The following ZNF131 variants were observed in gnomAD, a reference collection of about 807,000 sequenced individuals.
ZNF131 encodes zinc finger protein 131.
ZNF131 carries 7 observed loss-of-function variants against 60.0 expected under a neutral mutation model. That is an observed-to-expected ratio of 0.12 (90% CI 0.07 to 0.22). ZNF131 has a LOEUF of 0.22. Ranked by LOEUF, ZNF131 falls within the 10% of genes least tolerant of loss-of-function variation. ZNF131 has a pLI of 1.00. For missense variants in ZNF131, 493 were observed against 740.9 expected, an observed-to-expected ratio of 0.67 and a Z score of 3.88; for synonymous variants, 257 against 253.2, an observed-to-expected ratio of 1.01 and a Z score of -0.14.
chr5:43,148,943 A>G (rs923095232), intron 4 of ZNF131, among the ~76,000 whole-genome samples: 13 of 152,156 alleles, frequency 8.5e-5, no homozygotes, highest in African/African-American at 3.1e-4. Flanking sequence ...TGCATGTAAT[A>G]GTATGGTAGT....
chr5:43,153,152 G>C (rs1383008262), intron 4 of ZNF131, among the ~76,000 whole-genome samples: 1 of 152,162 alleles, frequency 6.6e-6, no homozygotes, highest in Non-Finnish European at 1.5e-5. Flanking sequence ...TTGGCAAGCA[G>C]TGAATTCAAT....
chr5:43,132,720 C>T (rs1312359572), intron 3 of ZNF131, among the ~76,000 whole-genome samples: 1 of 151,990 alleles, frequency 6.6e-6, no homozygotes, highest in African/African-American at 2.4e-5. Flanking sequence ...ACCATGTTGG[C>T]CAGGGTGGTC....
chr5:43,146,989 G>T (rs1194912633), intron 4 of ZNF131, among the ~76,000 whole-genome samples: 1 of 152,140 alleles, frequency 6.6e-6, no homozygotes, highest in Non-Finnish European at 1.5e-5. Context: ...CTAGAAGCTT[G>T]TCTCATGATT....
intron 4 of ZNF131, chr5:43,143,436 C>A: frequency 7.0e-7 from 1 of 1,420,932 alleles, no homozygotes; most frequent in Admixed American, 2.3e-5. Flanking sequence ...TCCACTGTTG[C>A]AAGTTTATCA....
At chr5:43,146,997 ATTGT>A (rs1447310131) in intron 4 of ZNF131, among the ~76,000 whole-genome samples, 1 of 152,106 alleles carries the variant, frequency 6.6e-6, no homozygotes, top group African/African-American at 2.4e-5. Flanking sequence ...TTGTCTCATG[ATTGT>A]TTGCAGTTGA....
chr5:43,128,967 T>C, intron 3 of ZNF131, among the ~76,000 whole-genome samples: 1 of 152,174 alleles, frequency 6.6e-6, no homozygotes. Flanking sequence ...AGTCTCACTC[T>C]GTTGCCCAGG....
rs779243855 is a variant in ZNF131 at position 43,174,981 on chromosome 5, C to G, written c.1720C>G (p.Gln574Glu). ...CCACGTGACCCCAGAAATCATGAACCAAGAGGAGAGAGAGTCTAGCCAAGC... is the reference window on the plus strand; with the variant it reads ...CCACGTGACCCCAGAAATCATGAACGAAGAGGAGAGAGAGTCTAGCCAAGC... ...LDHVTPEIMN[Q>E]EERESSQADA... Residue 574 changes from glutamine to glutamate, a missense_variant, in exon 7 of 7, where the codon CAA becomes GAA. Physicochemically the swap from Gln to Glu is conservative, Grantham distance 29. Transcript: ENST00000682664. 13 of 1,613,900 alleles carry G rather than the reference C, an allele frequency of 8.1e-6. No individual in the cohort carries two copies. In the African/African-American group the frequency reaches 1.7e-4, roughly 22 times the overall value.
intron 4 of ZNF131, among the ~76,000 whole-genome samples, chr5:43,152,560 C>T (rs1748457011): frequency 6.6e-6 from 1 of 152,064 alleles, no homozygotes; most frequent in South Asian, 2.1e-4. Context: ...GAGCATTTTT[C>T]TTAATTTGAA....
chr5:43,150,951 C>T (rs1748229093), intron 4 of ZNF131, among the ~76,000 whole-genome samples: 1 of 152,188 alleles, frequency 6.6e-6, no homozygotes. Context: ...TGGACTCAGC[C>T]AACTGAACAA....
At chr5:43,164,568 T>G (rs1028534341) in intron 5 of ZNF131, among the ~76,000 whole-genome samples, 3 of 152,220 alleles carry the variant, frequency 2.0e-5, no homozygotes, top group Non-Finnish European at 4.4e-5. Context: ...CAGTAGCTTT[T>G]ATAGCCTATG....
intron 3 of ZNF131, among the ~76,000 whole-genome samples, chr5:43,128,035 CCT>C (rs1183839986): frequency 6.6e-6 from 1 of 152,132 alleles, no homozygotes; most frequent in African/African-American, 2.4e-5. Flanking sequence ...GCAGGGATTC[CCT>C]GAGTCTAGAG....
chr5:43,162,625 C>T (rs1185667961), intron 5 of ZNF131, among the ~76,000 whole-genome samples: 5 of 149,714 alleles, frequency 3.3e-5, no homozygotes, highest in Non-Finnish European at 5.9e-5. Context: ...AAAAAGCGGC[C>T]AGGCGCGGTG....
At chr5:43,160,319 A>G (rs1023783961) in intron 4 of ZNF131, among the ~76,000 whole-genome samples, 7 of 152,072 alleles carry the variant, frequency 4.6e-5, no homozygotes. Context: ...CCTGGGTGAC[A>G]TAGTGAGACC....
intron 4 of ZNF131, among the ~76,000 whole-genome samples, chr5:43,148,456 A>T (rs950421927): frequency 6.6e-6 from 1 of 152,256 alleles, no homozygotes; most frequent in African/African-American, 2.4e-5. Context: ...CCAGCACTTG[A>T]TATTGTCAAG....
intron 3 of ZNF131, among the ~76,000 whole-genome samples, chr5:43,127,420 A>G (rs1002808342): frequency 2.0e-5 from 3 of 152,228 alleles, no homozygotes; most frequent in Non-Finnish European, 2.9e-5. Flanking sequence ...ACTTGTTAGA[A>G]ATGTAGACTC....
chr5:43,125,766 G>C (rs1395467493), intron 3 of ZNF131, among the ~76,000 whole-genome samples: 2 of 151,802 alleles, frequency 1.3e-5, no homozygotes, highest in Admixed American at 6.6e-5. Context: ...GGCAACAAGA[G>C]TGAAACTCCG....
chr5:43,124,124 T>G (rs1744211599), intron 3 of ZNF131: 1 of 152,128 alleles, frequency 6.6e-6, no homozygotes. Context: ...AAAAGGGAAG[T>G]GGTGTTATTT....
At chr5:43,126,650 T>C (rs186060786) in intron 3 of ZNF131, among the ~76,000 whole-genome samples, 15 of 152,196 alleles carry the variant, frequency 9.9e-5, no homozygotes, top group Non-Finnish European at 1.6e-4. Flanking sequence ...CTGAACAAAA[T>C]GGAGAGAGAG....
chr5:43,121,904 C>T (rs548699324), intron 1 of ZNF131, 135 bp from the exon 2 acceptor site: 32 of 999,608 alleles, frequency 3.2e-5, no homozygotes, highest in African/African-American at 8.5e-5. Context: ...TCTTCCCTCG[C>T]CTTTCTCTCC....
Sources: gnomAD v4.1 joint callset for allele counts (sites outside exome capture counted in the v4.1 genomes callset) on GRCh38, gnomAD v4.1.1 for gene constraint, MANE v1.5 for transcripts, NCBI Gene and HGNC (gene_info 2026-07-23, HGNC 2026-07-21) for gene names.